Variants in HPS1 observed in about 807,000 individuals in gnomAD.
The protein encoded by HPS1 is BLOC-3 complex member HPS1.
Under a neutral mutation model 90.6 loss-of-function variants are expected in HPS1, and 59 were observed. The observed-to-expected ratio is 0.65, with a 90% CI of 0.53 to 0.81. The LOEUF is 0.81. Ranked by LOEUF, HPS1 falls within the 30% of genes least tolerant of loss-of-function variation. The pLI, the probability that HPS1 is intolerant of heterozygous loss-of-function variation, is 0.00. For missense variants in HPS1, 849 were observed against 896.7 expected, an observed-to-expected ratio of 0.95 and a Z score of 0.68; for synonymous variants, 388 against 384.4, an observed-to-expected ratio of 1.01 and a Z score of -0.11.
intron 17 of HPS1, among the ~76,000 whole-genome samples, chr10:98,422,010 A>T (rs190931856): frequency 2.5e-4 from 37 of 148,284 alleles, no homozygotes; most frequent in African/African-American, 8.6e-4. Context: ...ACACACACAC[A>T]CACACGTATA....
intron 11 of HPS1, chr10:98,426,187 T>C: frequency 1.7e-6 from 1 of 574,738 alleles, no homozygotes; most frequent in Non-Finnish European, 3.1e-6. Flanking sequence ...TGGGCCTTTC[T>C]GCCCAGAGTC....
intron 6 of HPS1, 75 bp from the exon 7 acceptor site, chr10:98,431,366 G>A (rs767581766): frequency 1.4e-6 from 2 of 1,475,118 alleles, no homozygotes; most frequent in East Asian, 4.7e-5. Context: ...GGCTAGTGGG[G>A]ACATTCACTC....
chr10:98,441,202 CA>C (rs1938356062), intron 3 of HPS1, among the ~76,000 whole-genome samples: 2 of 152,008 alleles, frequency 1.3e-5, no homozygotes, highest in Non-Finnish European at 2.9e-5. Context: ...ATTTTTAACC[CA>C]AAATTAATCT....
downstream of HPS1, chr10:98,414,672 T>C (rs1843923769): frequency 4.7e-6 from 1 of 211,000 alleles, no homozygotes; most frequent in Non-Finnish European, 9.4e-6. Context: ...AACCATAGGC[T>C]GAGAATGTGG....
chr10:98,439,497 G>A (rs914633769), intron 3 of HPS1, among the ~76,000 whole-genome samples: 1 of 152,194 alleles, frequency 6.6e-6, no homozygotes, highest in Non-Finnish European at 1.5e-5. Flanking sequence ...TGCCCCACTG[G>A]ATTTTGGACT....
At position 98,431,231 on chromosome 10, in the gene HPS1, G is replaced by C. The variant is rs1276831074; in HGVS notation, c.568C>G (p.His190Asp). ...CELCIEALERHVIQAVNTSPE... is the reference protein window; with the variant it reads ...CELCIEALERDVIQAVNTSPE... Reference sequence around the variant, plus strand: ...CTGGTGTTGACAGCCTGGATGACGTGCCGCTCCAGCGCCTCTATGCACAGC... The same window carrying C: ...CTGGTGTTGACAGCCTGGATGACGTCCCGCTCCAGCGCCTCTATGCACAGC... Residue 190 changes from histidine (H) to aspartate (D), a missense_variant, in exon 7 of 20, where the codon CAC (histidine) becomes GAC (aspartate). Transcript: ENST00000361490. The C allele has an allele frequency of 6.2e-7, 1 of 1,613,886 alleles. No individual in the cohort carries two copies. Among genetic ancestry groups the C allele is most frequent in the East Asian group, 2.2e-5 (1 of 44,890 alleles).
chr10:98,446,592 A>T (rs1396997917), intron 1 of HPS1, among the ~76,000 whole-genome samples: 1 of 152,094 alleles, frequency 6.6e-6, no homozygotes, highest in East Asian at 1.9e-4. Flanking sequence ...TTTGCCTAGC[A>T]CGCCAGTTTC....
At chr10:98,423,190 C>T (rs1029505594) in intron 16 of HPS1, among the ~76,000 whole-genome samples, 3 of 152,144 alleles carry the variant, frequency 2.0e-5, no homozygotes, top group Admixed American at 2.0e-4. Flanking sequence ...AAACATTTGC[C>T]GTAGGCCTTC....
chr10:98,438,998 A>G (rs1256392106), intron 3 of HPS1, among the ~76,000 whole-genome samples: 3 of 152,230 alleles, frequency 2.0e-5, no homozygotes, highest in African/African-American at 7.2e-5. Flanking sequence ...TGTTTCAGAC[A>G]GTGCAAGCCC....
rs750558503 is a variant in HPS1, at chr10:98,429,503, G to A, written c.937+70C>T. 3.7e-6 allele frequency: 6 copies of A among 1,612,292 alleles called. No individual in the cohort carries two copies. The South Asian group carries it at 5.5e-5, about 15-fold the overall frequency. ...GGCACGGGGGTCCACTGGAGCCTAA[G>A]ACAGATGTCCTGGGCTGCCTGTCGC... On this transcript the variant is annotated intron_variant, in intron 10 of 19. Coordinates refer to ENST00000361490, the MANE Select transcript of HPS1 (RefSeq NM_000195.5).
intron 10 of HPS1, 37 bp from the exon 11 acceptor site, chr10:98,427,301 C>A: frequency 6.6e-7 from 1 of 1,525,954 alleles, no homozygotes; most frequent in East Asian, 2.4e-5. Context: ...GATGTAAGTA[C>A]CATGAGATGT....
chr10:98,429,075 C>A (rs1846004669), intron 10 of HPS1: 2 of 295,574 alleles, frequency 6.8e-6, no homozygotes, highest in Admixed American at 1.1e-4. Flanking sequence ...CTCCTGACCT[C>A]AGGTGATCTA....
intron 2 of HPS1, among the ~76,000 whole-genome samples, chr10:98,443,709 G>A (rs1376946563): frequency 6.6e-6 from 1 of 152,158 alleles, no homozygotes; most frequent in Non-Finnish European, 1.5e-5. Flanking sequence ...CCATCTCTGG[G>A]CAGTCCAGAG....
chr10:98,415,310 G>C (rs578043454), downstream of HPS1: 1 of 829,688 alleles, frequency 1.2e-6, no homozygotes, highest in Non-Finnish European at 1.8e-6. Flanking sequence ...CTGCCCTGGG[G>C]CTGTGCTGGG....
At chr10:98,430,490 GA>G in intron 8 of HPS1, 80 bp downstream of exon 8, 1 of 1,058,358 alleles carries the variant, frequency 9.4e-7, no homozygotes, top group East Asian at 2.6e-5. Flanking sequence ...TCCCCAGGGG[GA>G]GCCTGCCCAC....
rs1462911070 is a variant in HPS1, at chr10:98,430,633, C to G, written c.706G>C (p.Ala236Pro). 6.4e-6 allele frequency: 10 copies of G among 1,555,956 alleles called. No individual in the cohort carries two copies. In the Admixed American group the frequency reaches 1.9e-4, roughly 30 times the overall value. Residue 236 changes from alanine to proline, a missense_variant, in exon 8 of 20, where the codon GCC (alanine) becomes CCC (proline). By Grantham distance (27) the Ala-to-Pro change is conservative. Coordinates refer to ENST00000361490, the MANE Select transcript of HPS1 (RefSeq NM_000195.5). ...ASSLRPADLL[A>P]LILLVQDLYP... ...AGGTCCTGAACCAGGAGGATGAGGG[C>G]AAGCAGGTCGGCCGGGCGCAGGGAG...
rs1040121123 is a variant in HPS1 at position 98,420,131 on chromosome 10, T to C, written c.1771A>G (p.Arg591Gly). 1 of 1,613,784 alleles carries C rather than the reference T, an allele frequency of 6.2e-7. No individual in the cohort carries two copies. Among genetic ancestry groups the C allele is most frequent in the Admixed American group, 1.7e-5 (1 of 60,002 alleles). The change falls in exon 18 of 20, where the codon AGA becomes GGA. Residue 591 changes from arginine (R) to glycine (G), a missense_variant. Arg to Gly is a moderately radical substitution (Grantham distance 125). Transcript: ENST00000361490. ...KVWSLIQLAR[R>G]YLQKGYTTLL... ...GTGGTGTAGCCCTTCTGCAGGTATC[T>C]GCGCGCCAGCTGGATCAGAGACCAG...
chr10:98,435,623 C>T lies in HPS1; in HGVS notation c.255+12G>A. 1 of 1,614,108 alleles carries T rather than the reference C, an allele frequency of 6.2e-7. No individual in the cohort carries two copies. Among genetic ancestry groups the T allele is most frequent in the South Asian group, 1.1e-5 (1 of 91,066 alleles). ...GGGAAGAGGAACATGGGCCCCAGAG[C>T]TATAGACTCACCAGGTGAAGGACAT... On this transcript the variant is annotated intron_variant, in intron 4 of 19. Coordinates refer to ENST00000361490, the MANE Select transcript of HPS1 (RefSeq NM_000195.5). The surrounding 1 kb of genome is among the most constrained non-coding windows in gnomAD (Gnocchi z 4.3).
chr10:98,427,303 A>C, intron 10 of HPS1, 39 bp from the exon 11 acceptor site: 1 of 1,517,924 alleles, frequency 6.6e-7, no homozygotes. Flanking sequence ...TGTAAGTACC[A>C]TGAGATGTAA....
Sources: allele counts gnomAD v4.1 joint callset (sites outside exome capture counted in the v4.1 genomes callset), GRCh38; gene constraint gnomAD v4.1.1; non-coding constraint Gnocchi (gnomAD v3.1); transcripts MANE v1.5; gene names NCBI Gene and HGNC (gene_info 2026-07-23, HGNC 2026-07-21).